Variants in MAP3K14 observed in about 807,000 individuals in gnomAD.
MAP3K14 encodes the protein NF-kappa-beta-inducing kinase.
MAP3K14 carries 16 observed loss-of-function variants against 99.2 expected under a neutral mutation model. That is an observed-to-expected ratio of 0.16 (90% CI 0.11 to 0.24). The LOEUF (loss-of-function observed/expected upper bound fraction) is 0.24, where lower values mean the gene tolerates loss of function less well. MAP3K14 is among the 10% of genes least tolerant of loss of function. The probability of loss-of-function intolerance (pLI) is 1.00; values close to 1 mark genes in which losing one functional copy is unlikely to be tolerated. For missense variants in MAP3K14, 784 were observed against 1,208.7 expected (o/e 0.65, Z 5.21); for synonymous variants, 462 against 492.4 (o/e 0.94, Z 0.82).
intron 1 of MAP3K14, among the ~76,000 whole-genome samples, chr17:45,313,084 G>A (rs1053231463): frequency 4.6e-5 from 7 of 152,120 alleles, no homozygotes; most frequent in Non-Finnish European, 8.8e-5. Context: ...TTGGAGTATG[G>A]TGAGGGCAGT....
Position 45,302,738 on chromosome 17 carries a change from G to A in MAP3K14, c.-20-11973C>T, listed in dbSNP as rs190292037. 1.5e-3 allele frequency among the ~76,000 whole-genome samples: 225 copies of A among 152,348 alleles called. 1 individual carries two copies. Among genetic ancestry groups the A allele is most frequent in the Admixed American group, 0.011 (172 of 15,306 alleles). On this transcript the variant is annotated intron_variant, in intron 1 of 15. Coordinates refer to ENST00000344686, the MANE Select transcript of MAP3K14 (RefSeq NM_003954.5). ...ATGTGATGAGCTGGTTTCTCCAACC[G>A]TGTGCGCGCACATGCACACACATGC...
chr17:45,311,247 T>A (rs2143878240), intron 1 of MAP3K14, among the ~76,000 whole-genome samples: 1 of 152,258 alleles, frequency 6.6e-6, no homozygotes, highest in East Asian at 1.9e-4. Flanking sequence ...GAGGTTAAGG[T>A]TATTTAGCCA....
chr17:45,278,852 T>G (rs2044198877), intron 6 of MAP3K14, among the ~76,000 whole-genome samples: 1 of 152,082 alleles, frequency 6.6e-6, no homozygotes, highest in Non-Finnish European at 1.5e-5. Context: ...TTTGTAGAGA[T>G]GGGGTTTCGC....
intron 1 of MAP3K14, among the ~76,000 whole-genome samples, chr17:45,303,429 T>C (rs1394719328): frequency 6.6e-6 from 1 of 151,990 alleles, no homozygotes; most frequent in Non-Finnish European, 1.5e-5. Context: ...GGTGTGGTGG[T>C]GGGCACCTGT....
At chr17:45,307,276 ATT>A (rs1347461772) in intron 1 of MAP3K14, among the ~76,000 whole-genome samples, 5 of 151,958 alleles carry the variant, frequency 3.3e-5, no homozygotes, top group South Asian at 2.1e-4. Context: ...AAAAAAAAAA[ATT>A]AATTAATTAA....
chr17:45,285,072 AC>A, intron 5 of MAP3K14, 123 bp from the exon 6 acceptor site: 1 of 1,081,494 alleles, frequency 9.2e-7, no homozygotes, highest in Non-Finnish European at 1.3e-6. Flanking sequence ...AGCCCTCACA[AC>A]CAGGCAGCCC....
chr17:45,271,408 C>T (rs558092624), intron 9 of MAP3K14, among the ~76,000 whole-genome samples, 187 bp from the exon 10 acceptor site: 50 of 152,294 alleles, frequency 3.3e-4, no homozygotes, highest in African/African-American at 1.1e-3. Context: ...TACAATGGCG[C>T]GATCTTGGCT....
At chr17:45,315,263 T>A (rs2044520809) in intron 1 of MAP3K14, among the ~76,000 whole-genome samples, 1 of 151,828 alleles carries the variant, frequency 6.6e-6, no homozygotes, top group Non-Finnish European at 1.5e-5. Flanking sequence ...CACAAACTCT[T>A]AACAGACAAT....
intron 1 of MAP3K14, among the ~76,000 whole-genome samples, chr17:45,300,612 G>A (rs2044379758): frequency 6.6e-6 from 1 of 152,072 alleles, no homozygotes; most frequent in Non-Finnish European, 1.5e-5. Context: ...CTCTACCCAG[G>A]AAGTTCCTCC....
At chr17:45,300,488 A>G (rs1263264510) in intron 1 of MAP3K14, among the ~76,000 whole-genome samples, 4 of 152,210 alleles carry the variant, frequency 2.6e-5, no homozygotes, top group Non-Finnish European at 4.4e-5. Flanking sequence ...GGCTTTGGCC[A>G]GTCTGATCTC....
Position 45,265,204 on chromosome 17 carries a change from G to C in MAP3K14, c.2638C>G (p.Arg880Gly), listed in dbSNP as rs1266880598. 1.2e-6 allele frequency: 2 copies of C among 1,613,858 alleles called. No homozygotes were observed. The highest frequency in any genetic ancestry group is 1.7e-6 in the Non-Finnish European group (2 of 1,179,870). The part of the protein sequence containing the change: ...GEHLHIREFH[R>G]VKVGDIATGI... ...GTGGCGATGTCTCCCACTTTGACCCGGTGGAACTCCCGGATGTGCAGGTGT... is the reference window on the plus strand; with the variant it reads ...GTGGCGATGTCTCCCACTTTGACCCCGTGGAACTCCCGGATGTGCAGGTGT... The change falls in exon 15 of 16, where the codon CGG becomes GGG. Residue 880 changes from arginine (R) to glycine (G), a missense_variant. By Grantham distance (125) the Arg-to-Gly change is moderately radical. Coordinates refer to ENST00000344686, the MANE Select transcript of MAP3K14 (RefSeq NM_003954.5).
At chr17:45,266,389 C>T in intron 14 of MAP3K14, 148 bp downstream of exon 14, 3 of 1,018,732 alleles carry the variant, frequency 2.9e-6, no homozygotes, top group Non-Finnish European at 4.2e-6. Flanking sequence ...ACCCAACTTA[C>T]TGGCCAGGAA....
intron 6 of MAP3K14, among the ~76,000 whole-genome samples, chr17:45,278,214 T>C (rs1261774371): frequency 6.6e-6 from 1 of 152,124 alleles, no homozygotes; most frequent in Non-Finnish European, 1.5e-5. Context: ...GTCCCGTCCA[T>C]GCTAAAAATA....
Position 45,299,075 on chromosome 17 carries a change from G to GTA in MAP3K14, c.-20-8312_-20-8311dup, listed in dbSNP as rs58699570. On this transcript the variant is annotated intron_variant, in intron 1 of 15. Coordinates refer to ENST00000344686, the MANE Select transcript of MAP3K14 (RefSeq NM_003954.5). ...GCTTGAAGTTGTCAGTGAGTAAAGC[G>GTA]TAAGTCAGGCAGTCCCAGGAGAGGA... Among the ~76,000 whole-genome samples, 484 of 152,312 alleles carry GTA rather than the reference G, an allele frequency of 3.2e-3. 5 individuals are homozygous for GTA. Among genetic ancestry groups the GTA allele is most frequent in the African/African-American group, 0.011 (457 of 41,562 alleles).
intron 1 of MAP3K14, among the ~76,000 whole-genome samples, chr17:45,299,140 G>A (rs142966231): frequency 0.013 from 1,930 of 152,264 alleles, 12 homozygotes; most frequent in Non-Finnish European, 0.019. Context: ...ATGGACACAC[G>A]CTTGATCCTC....
At chr17:45,293,940 A>G (rs1035514898) in intron 1 of MAP3K14, among the ~76,000 whole-genome samples, 9 of 152,246 alleles carry the variant, frequency 5.9e-5, no homozygotes, top group African/African-American at 2.2e-4. Context: ...TACTAAGTCC[A>G]GGACTACTGG....
chr17:45,270,995 T>G (rs2044138433), intron 10 of MAP3K14, 63 bp downstream of exon 10: 8 of 1,568,976 alleles, frequency 5.1e-6, no homozygotes, highest in Non-Finnish European at 6.9e-6. Context: ...CCCTCCAGCC[T>G]GCAGCCTGGG....
Position 45,263,721 on chromosome 17 carries a change from T to C in MAP3K14, c.*915A>G, listed in dbSNP as rs1002981396. The C allele has an allele frequency of 1.3e-5, 2 of 152,836 alleles. No individual in the cohort carries two copies. Among genetic ancestry groups the C allele is most frequent in the Non-Finnish European group, 2.9e-5 (2 of 68,222 alleles). The allele number at this position is 152,836 out of a possible 1,614,324, so 9.5% of individuals were successfully genotyped here. On this transcript the variant is annotated 3_prime_UTR_variant, in exon 16 of 16. Transcript: ENST00000344686. Reference sequence around the variant, plus strand: ...GGGGAACCAGCACGCTGGACACTGATAGTGGGGCTGGGGCGCCGGAGCGTC... The same window carrying C: ...GGGGAACCAGCACGCTGGACACTGACAGTGGGGCTGGGGCGCCGGAGCGTC...
rs1050476767 is a variant in MAP3K14 at position 45,301,334 on chromosome 17, A to C, written c.-20-10569T>G. ...CAAAATTAGCCAGGCATGGTGGCAC[A>C]TGCCTGTAATCCCAGCTACTCAGGA... On this transcript the variant is annotated intron_variant, in intron 1 of 15. Coordinates refer to ENST00000344686, the MANE Select transcript of MAP3K14 (RefSeq NM_003954.5). Among the ~76,000 whole-genome samples, 5 of 151,954 alleles carry C rather than the reference A, an allele frequency of 3.3e-5. No homozygotes were observed. The South Asian group carries it at 6.2e-4, about 19-fold the overall frequency.
Sources: gnomAD v4.1 joint callset for allele counts (sites outside exome capture counted in the v4.1 genomes callset) on GRCh38, gnomAD v4.1.1 for gene constraint, MANE v1.5 for transcripts, NCBI Gene and HGNC (gene_info 2026-07-23, HGNC 2026-07-21) for gene names.